PJA2: variants seen among roughly 807,000 people sequenced by gnomAD.
PJA2 encodes the protein E3 ubiquitin-protein ligase Praja-2.
Under a neutral mutation model 69.3 loss-of-function variants are expected in PJA2, and 25 were observed. The ratio of observed to expected loss-of-function variants is 0.36; its 90% CI spans 0.26 to 0.50. The LOEUF is 0.50. Ranked by LOEUF, PJA2 falls within the 20% of genes least tolerant of loss-of-function variation. PJA2 has a pLI of 0.96. For synonymous variants in PJA2, 308 were observed against 277.8 expected, an observed-to-expected ratio of 1.11 and a Z score of -1.08; for missense variants, 809 against 830.2, an observed-to-expected ratio of 0.97 and a Z score of 0.31.
chr5:109,387,813 A>T (rs1188652182), intron 1 of PJA2, among the ~76,000 whole-genome samples: 1 of 72,994 alleles, frequency 1.4e-5, no homozygotes, highest in Non-Finnish European at 2.6e-5. Context: ...TAAACTAGTG[A>T]ATTTAAAGAC....
At chr5:109,354,438 T>TATCTACA (rs1762367137) in intron 7 of PJA2, among the ~76,000 whole-genome samples, 2 of 139,114 alleles carry the variant, frequency 1.4e-5, no homozygotes, top group Admixed American at 1.4e-4. Context: ...TATCTAGAGA[T>TATCTACA]GTCTATAGAT....
intron 6 of PJA2, among the ~76,000 whole-genome samples, chr5:109,362,621 G>C (rs1713773007): frequency 6.6e-6 from 1 of 152,192 alleles, no homozygotes; most frequent in South Asian, 2.1e-4. Context: ...TGTAAGGTGA[G>C]CTTCAAGAGA....
Position 109,341,555 on chromosome 5 carries a change from G to C in PJA2, c.2001+2635C>G, listed in dbSNP as rs1762058679. Reference sequence around the variant, plus strand: ...CCCCGTCCGGGAGGGAGGTGGGGGGGGGTCAGCCCCCCGCCCGGCCAGCCG... The same window carrying C: ...CCCCGTCCGGGAGGGAGGTGGGGGGCGGTCAGCCCCCCGCCCGGCCAGCCG... On this transcript the variant is annotated intron_variant, in intron 9 of 9. Transcript: ENST00000361189. Among the ~76,000 whole-genome samples the C allele has an allele frequency of 2.3e-4, 33 of 145,734 alleles. No individual in the cohort carries two copies. In the South Asian group the frequency reaches 6.2e-3, roughly 28 times the overall value.
intron 2 of PJA2, among the ~76,000 whole-genome samples, 192 bp from the exon 3 acceptor site, chr5:109,381,895 A>G (rs1747058401): frequency 1.3e-5 from 2 of 152,198 alleles, no homozygotes; most frequent in African/African-American, 4.8e-5. Context: ...AGTACTATAT[A>G]ATAAGAGTTA....
intron 6 of PJA2, among the ~76,000 whole-genome samples, chr5:109,362,405 A>G (rs965387922): frequency 5.4e-5 from 3 of 55,642 alleles, no homozygotes; most frequent in African/African-American, 1.6e-4. Flanking sequence ...TTTATCTTCC[A>G]TATTTTACAT....
chr5:109,406,206 A>T (rs983829712), intron 1 of PJA2, among the ~76,000 whole-genome samples: 8 of 152,086 alleles, frequency 5.3e-5, no homozygotes, highest in African/African-American at 1.9e-4. Flanking sequence ...ACGCCCGGCT[A>T]ATTTTTTGTA....
intron 1 of PJA2, among the ~76,000 whole-genome samples, chr5:109,401,400 T>C (rs550853492): frequency 1.9e-4 from 29 of 152,068 alleles, no homozygotes; most frequent in African/African-American, 6.5e-4. Context: ...CTCAAGGCTA[T>C]AGTGAGACAA....
chr5:109,373,429 T>G (rs1392682684), intron 4 of PJA2, among the ~76,000 whole-genome samples: 1 of 151,860 alleles, frequency 6.6e-6, no homozygotes, highest in African/African-American at 2.4e-5. Flanking sequence ...TCCCCTAATA[T>G]GGAGAAGAGG....
intron 1 of PJA2, among the ~76,000 whole-genome samples, chr5:109,404,239 G>T (rs114704389): frequency 6.6e-6 from 1 of 151,656 alleles, no homozygotes; most frequent in Non-Finnish European, 1.5e-5. Context: ...TTTATTTCTC[G>T]GCTGGGCGCG....
chr5:109,405,962 G>GTA (rs1048161795), intron 1 of PJA2, among the ~76,000 whole-genome samples: 17 of 150,608 alleles, frequency 1.1e-4, no homozygotes, highest in Non-Finnish European at 2.5e-4. Context: ...GTGTGTGTGT[G>GTA]TTTATGTATC....
intron 9 of PJA2, among the ~76,000 whole-genome samples, chr5:109,341,599 T>TG (rs1762062656): frequency 6.6e-5 from 4 of 60,814 alleles, no homozygotes; most frequent in African/African-American, 2.2e-4. Flanking sequence ...GGGAGGGAGG[T>TG]GGGGGGGTCA....
chr5:109,367,664 C>A (rs1169707025), intron 5 of PJA2, among the ~76,000 whole-genome samples: 1 of 152,146 alleles, frequency 6.6e-6, no homozygotes, highest in Non-Finnish European at 1.5e-5. Context: ...CAATTTGCAT[C>A]TAGGAATCTC....
chr5:109,343,068 G>A (rs1416415472), intron 9 of PJA2, among the ~76,000 whole-genome samples: 3 of 107,130 alleles, frequency 2.8e-5, no homozygotes, highest in Admixed American at 1.8e-4. Context: ...ATAGAAAGGC[G>A]GGAAAGGTGG....
chr5:109,371,399 GCT>G (rs1227194595), intron 4 of PJA2, among the ~76,000 whole-genome samples: 1 of 152,082 alleles, frequency 6.6e-6, no homozygotes, highest in African/African-American at 2.4e-5. Context: ...CTATCACCAT[GCT>G]CTCATTCTGC....
chr5:109,344,398 C>G, intron 8 of PJA2, 87 bp from the exon 9 acceptor site: 1 of 1,377,850 alleles, frequency 7.3e-7, no homozygotes, highest in Non-Finnish European at 9.7e-7. Flanking sequence ...ATAGAAGATA[C>G]CTCTGAAAGA....
intron 4 of PJA2, among the ~76,000 whole-genome samples, chr5:109,375,601 CA>C (rs200356439): frequency 6.6e-6 from 1 of 151,112 alleles, no homozygotes; most frequent in Non-Finnish European, 1.5e-5. Flanking sequence ...ATAAGCATGA[CA>C]AAAAAAAACT....
chr5:109,397,663 C>A (rs1198564714), intron 1 of PJA2, among the ~76,000 whole-genome samples: 1 of 151,760 alleles, frequency 6.6e-6, no homozygotes, highest in African/African-American at 2.4e-5. Context: ...GGATTACAGG[C>A]ACCCGCCACT....
intron 9 of PJA2, among the ~76,000 whole-genome samples, chr5:109,343,901 G>A (rs1384415523): frequency 6.6e-6 from 1 of 151,906 alleles, no homozygotes; most frequent in Non-Finnish European, 1.5e-5. Context: ...TTCGAGACCA[G>A]CCTGACCAAC....
At chr5:109,393,744 A>G (rs1004269812) in intron 1 of PJA2, among the ~76,000 whole-genome samples, 1 of 152,076 alleles carries the variant, frequency 6.6e-6, no homozygotes, top group Non-Finnish European at 1.5e-5. Flanking sequence ...ATAACAGAAT[A>G]TATTTGTAGG....
Sources: gnomAD v4.1 joint callset for allele counts (sites outside exome capture counted in the v4.1 genomes callset) on GRCh38, gnomAD v4.1.1 for gene constraint, MANE v1.5 for transcripts, NCBI Gene and HGNC (gene_info 2026-07-23, HGNC 2026-07-21) for gene names.